PRR14L: variants seen among roughly 807,000 people sequenced by gnomAD.
PRR14L encodes proline rich 14 like, also known as protein PRR14L.
In PRR14L, 80 loss-of-function variants were observed where a neutral mutation model predicts 155.0. The ratio of observed to expected loss-of-function variants is 0.52; its 90% CI spans 0.43 to 0.62. The LOEUF (loss-of-function observed/expected upper bound fraction) is 0.62. Ranked by LOEUF, PRR14L falls within the 20% of genes least tolerant of loss-of-function variation. The probability of loss-of-function intolerance (pLI) is 0.00; values close to 1 mark genes in which losing one functional copy is unlikely to be tolerated. For synonymous variants in PRR14L, 883 were observed against 916.0 expected (o/e 0.96, Z 0.65); for missense variants, 2,469 against 2,548.0 (o/e 0.97, Z 0.67).
chr22:31,725,792 C>T (rs926338252), intron 2 of PRR14L, among the ~76,000 whole-genome samples, 182 bp from the exon 3 acceptor site: 6 of 152,102 alleles, frequency 3.9e-5, no homozygotes, highest in Non-Finnish European at 8.8e-5. Context: ...TCTCAGCCTC[C>T]CAAGTAGCTG....
In PRR14L at chr22:31,712,538, G is replaced by A; in HGVS notation, c.5301C>T (p.Phe1767=). ...SQPPKWTFSF[F]LSHGCPGMAT... ...CCATCCCAGGGCAACCGTGGGACAA[G>A]AAGAAAGAAAAGGTCCACTTGGGAG... Residue 1767 remains phenylalanine (F), a synonymous_variant, in exon 4 of 9, where the codon TTC becomes TTT. Coordinates refer to ENST00000327423, the MANE Select transcript of PRR14L (RefSeq NM_173566.3). 2 of 1,551,472 alleles carry A rather than the reference G, an allele frequency of 1.3e-6. No individual in the cohort carries two copies. Among genetic ancestry groups the A allele is most frequent in the Non-Finnish European group, 1.7e-6 (2 of 1,146,958 alleles).
intron 2 of PRR14L, among the ~76,000 whole-genome samples, chr22:31,730,938 T>TA (rs1400756296): frequency 3.3e-5 from 5 of 152,182 alleles, no homozygotes; most frequent in African/African-American, 1.2e-4. Flanking sequence ...GCTGCAAAAG[T>TA]AAGTGTCGAA....
chr22:31,695,649 T>G (rs2074531976), intron 7 of PRR14L, among the ~76,000 whole-genome samples: 1 of 152,158 alleles, frequency 6.6e-6, no homozygotes, highest in Non-Finnish European at 1.5e-5. Flanking sequence ...ATCACAGCAG[T>G]GCCCTACCTC....
chr22:31,731,565 C>CAAAAAAA (rs55727852), intron 2 of PRR14L, among the ~76,000 whole-genome samples: 2 of 49,244 alleles, frequency 4.1e-5, no homozygotes, highest in African/African-American at 6.6e-5. Context: ...GAGACTGTCT[C>CAAAAAAA]AAAAAAAAAA....
Position 31,743,051 on chromosome 22 carries a change from T to G in PRR14L, c.-51-4140A>C, listed in dbSNP as rs1029936535. On this transcript the variant is annotated intron_variant, in intron 1 of 8. Coordinates refer to ENST00000327423, the MANE Select transcript of PRR14L (RefSeq NM_173566.3). Reference sequence around the variant, plus strand: ...GAACCCAGCTACTAAGAGGGGAGGATCACGCCCATGGGAGGCCAAGGTGGG... The same window carrying G: ...GAACCCAGCTACTAAGAGGGGAGGAGCACGCCCATGGGAGGCCAAGGTGGG... Among the ~76,000 whole-genome samples the G allele has an allele frequency of 7.9e-5, 12 of 151,974 alleles. No homozygotes were observed. In the East Asian group the frequency reaches 2.3e-3, roughly 29 times the overall value.
chr22:31,717,711 A>C (rs2074667881), intron 3 of PRR14L, among the ~76,000 whole-genome samples: 1 of 152,174 alleles, frequency 6.6e-6, no homozygotes, highest in East Asian at 1.9e-4. Flanking sequence ...GTCATCGATA[A>C]AATTAGTCCT....
chr22:31,710,961 G>T (rs2147861819), intron 4 of PRR14L, among the ~76,000 whole-genome samples: 1 of 152,252 alleles, frequency 6.6e-6, no homozygotes, highest in South Asian at 2.1e-4. Flanking sequence ...CCTCTACATT[G>T]CCAAAAGGCA....
At position 31,715,370 on chromosome 22, in the gene PRR14L, T is replaced by C; in HGVS notation, c.2469A>G (p.Lys823=). Residue 823 remains lysine, a synonymous_variant, in exon 4 of 9, where the codon AAA becomes AAG. Coordinates refer to ENST00000327423, the MANE Select transcript of PRR14L (RefSeq NM_173566.3). ...SLQVDNSLIT[K]YENAFQHRDH... ...CACGGTGCTGAAATGCATTTTCATA[T>C]TTTGTTATCAAAGAGTTATCAACTT... is the stretch of plus-strand genomic sequence containing the variant. 2 of 1,552,156 alleles carry C rather than the reference T, an allele frequency of 1.3e-6. No individual in the cohort carries two copies. The highest frequency in any genetic ancestry group is 1.7e-6 in the Non-Finnish European group (2 of 1,147,094).
At chr22:31,697,803 T>C (rs954782671) in intron 7 of PRR14L, among the ~76,000 whole-genome samples, 1 of 152,130 alleles carries the variant, frequency 6.6e-6, no homozygotes, top group African/African-American at 2.4e-5. Context: ...GAAGTTGAAG[T>C]TGAAGCTGCA....
chr22:31,708,383 G>C (rs571107551), intron 4 of PRR14L, among the ~76,000 whole-genome samples: 1 of 151,650 alleles, frequency 6.6e-6, no homozygotes, highest in Non-Finnish European at 1.5e-5. Context: ...CTGGAGTGCA[G>C]TGGTGCGATC....
chr22:31,685,881 G>A (rs949254136), intron 8 of PRR14L, 78 bp from the exon 9 acceptor site: 12 of 1,336,026 alleles, frequency 9.0e-6, no homozygotes, highest in South Asian at 2.8e-5. Context: ...GGATGTTGAC[G>A]CTGGGTCAAC....
At chr22:31,706,692 G>A (rs897046251) in intron 4 of PRR14L, among the ~76,000 whole-genome samples, 13 of 152,090 alleles carry the variant, frequency 8.5e-5, no homozygotes, top group Non-Finnish European at 1.8e-4. Context: ...AAAGTGTTGG[G>A]ATTATAGGCA....
chr22:31,741,361 C>A (rs1162239380), intron 1 of PRR14L, among the ~76,000 whole-genome samples: 1 of 151,540 alleles, frequency 6.6e-6, no homozygotes, highest in Non-Finnish European at 1.5e-5. Flanking sequence ...ACTCGGGAGG[C>A]TGAGGCACAA....
chr22:31,703,774 G>C, intron 5 of PRR14L, 53 bp from the exon 6 acceptor site: 1 of 1,123,546 alleles, frequency 8.9e-7, no homozygotes, highest in Non-Finnish European at 1.2e-6. Context: ...TCTACTTCCA[G>C]CACATTCAAC....
At position 31,712,786 on chromosome 22, in the gene PRR14L, T is replaced by C. The variant is rs767987391; in HGVS notation, c.5053A>G (p.Ser1685Gly). ...AASGWDKRPN[S>G]KPMALYSLES... ...AGAGAATAAAGTGCCATGGGCTTAC[T>C]GTTAGGCCTCTTATCCCATCCACTA... The change falls in exon 4 of 9, where the codon AGT becomes GGT. Residue 1685 changes from serine (S) to glycine (G), a missense_variant. Ser to Gly is a moderately conservative substitution (Grantham distance 56, BLOSUM62 0). This residue lies in a region of PRR14L where 2,363 missense variants were observed against 2,371.6 expected (regional missense o/e 1.00). Transcript: ENST00000327423. 1 of 1,552,034 alleles carries C rather than the reference T, an allele frequency of 6.4e-7. No homozygotes were observed.
Position 31,716,672 on chromosome 22 carries a change from C to G in PRR14L, c.1167G>C (p.Gly389=). ...SSYFYRGDDQ[G]KNLASREENE... ...TTTCTTCTCTAGAAGCCAAGTTCTT[C>G]CCTTGATCATCCCCCCTATAAAAAT... Residue 389 remains glycine, a synonymous_variant, in exon 4 of 9, where the codon GGG becomes GGC. Transcript: ENST00000327423. The G allele has an allele frequency of 6.4e-7, 1 of 1,552,048 alleles. No individual in the cohort carries two copies.
rs147362639 is a variant in PRR14L at position 31,713,805 on chromosome 22, C to T, written c.4034G>A (p.Arg1345Gln). 11 of 1,552,346 alleles carry T rather than the reference C, an allele frequency of 7.1e-6. No homozygotes were observed. Among genetic ancestry groups the T allele is most frequent in the South Asian group, 3.6e-5 (3 of 84,052 alleles). Residue 1345 changes from arginine (R) to glutamine (Q), a missense_variant, in exon 4 of 9, where the codon CGA becomes CAA. Coordinates refer to ENST00000327423, the MANE Select transcript of PRR14L (RefSeq NM_173566.3). ...CTCCCCAACAGTTAAGTAACCCAGT[C>T]GTCCCCTCTGATGCTCTTCGGTTTC... ...GEETEEHQRGRLGYLTVGEQS... is the reference protein window; with the variant it reads ...GEETEEHQRGQLGYLTVGEQS...
chr22:31,726,355 T>C (rs562973032), intron 2 of PRR14L, among the ~76,000 whole-genome samples: 14 of 152,164 alleles, frequency 9.2e-5, no homozygotes, highest in African/African-American at 2.9e-4. Flanking sequence ...GGTCTTGAAC[T>C]CCTGACCTCA....
intron 3 of PRR14L, among the ~76,000 whole-genome samples, chr22:31,721,372 T>A (rs2074688878): frequency 6.6e-6 from 1 of 152,126 alleles, no homozygotes; most frequent in Admixed American, 6.5e-5. Flanking sequence ...ATCGAGACCA[T>A]CCTGGCTAAC....
Sources: gnomAD v4.1 joint callset for allele counts (sites outside exome capture counted in the v4.1 genomes callset) on GRCh38, gnomAD v4.1.1 for gene constraint, gnomAD v4.1.1 regional missense constraint, MANE v1.5 for transcripts, NCBI Gene and HGNC (gene_info 2026-07-23, HGNC 2026-07-21) for gene names.